Variants in SDF2L1 observed in about 807,000 individuals in gnomAD.
The protein encoded by SDF2L1 is stromal cell derived factor 2 like 1, also known as stromal cell-derived factor 2-like protein 1.
A neutral mutation model predicts 19.4 loss-of-function variants in SDF2L1; 18 were observed. The ratio of observed to expected loss-of-function variants is 0.93; its 90% CI spans 0.64 to 1.38. The LOEUF (loss-of-function observed/expected upper bound fraction) is 1.38. Among genes scored for constraint, SDF2L1 ranks in the 40% most tolerant of loss-of-function variants. SDF2L1 has a pLI of 0.00. For synonymous variants in SDF2L1, 161 were observed against 148.9 expected, an observed-to-expected ratio of 1.08 and a Z score of -0.59; for missense variants, 263 against 319.4, an observed-to-expected ratio of 0.82 and a Z score of 1.35.
rs912901277 is a variant in SDF2L1, at chr22:21,642,382, G to C, written c.46G>C (p.Gly16Arg). ...CGGGGCTGCCTGGCCGGTGCTGTTG[G>C]GGCTGCTGCTGGCGCTGTTAGTGCC... is the stretch of plus-strand genomic sequence containing the variant. ...RGGAAWPVLL[G>R]LLLALLVPGG... Residue 16 changes from glycine to arginine, a missense_variant, in exon 1 of 3, where the codon GGG (glycine) becomes CGG (arginine). Around this residue, in one of 3 missense-constraint regions of SDF2L1, gnomAD observed 56 missense variants for 45.3 expected, o/e 1.24. Coordinates refer to ENST00000248958, the MANE Select transcript of SDF2L1 (RefSeq NM_022044.3). 1.0e-5 allele frequency: 15 copies of C among 1,444,570 alleles called. No homozygotes were observed. In the African/African-American group the frequency reaches 2.3e-4, roughly 22 times the overall value. The allele number at this position is 1,444,570 out of a possible 1,614,324, so 89.5% of individuals were successfully genotyped here.
In SDF2L1 at chr22:21,642,869, C is replaced by A. The variant is rs11555535; in HGVS notation, c.195C>A (p.Gly65=). The A allele has an allele frequency of 1.3e-6, 2 of 1,595,554 alleles. No homozygotes were observed. The highest frequency in any genetic ancestry group is 1.7e-5 in the Admixed American group (1 of 57,690). Residue 65 remains glycine (G), a synonymous_variant, in exon 2 of 3, where the codon GGC becomes GGA. Transcript: ENST00000248958. The part of the protein sequence containing the change: ...SHDIKYGSGS[G]QQSVTGVEAS... ...TGGGGTGTCACTCCTCAGGCAGCGG[C>A]CAGCAATCGGTGACCGGCGTAGAGG...
chr22:21,643,216 C>A, intron 2 of SDF2L1, 158 bp downstream of exon 2: 3 of 875,366 alleles, frequency 3.4e-6, no homozygotes, highest in Non-Finnish European at 5.1e-6. Context: ...CAGAGTAACT[C>A]CGCCAGGATC....
Position 21,644,278 on chromosome 22 carries a change from AT to A in SDF2L1, c.*105del. 1 of 1,271,712 alleles carries A rather than the reference AT, an allele frequency of 7.9e-7. No individual in the cohort carries two copies. Among genetic ancestry groups the A allele is most frequent in the Non-Finnish European group, 1.1e-6 (1 of 901,236 alleles). 78.8% of individuals were successfully genotyped at this position (1,271,712 alleles called of 1,614,324 possible). A position where few individuals can be genotyped will look rare whatever the true frequency, so the allele number is the denominator to read the frequency against. ...GTAGGGGTCCTCAAGTGCCTTTGTG[AT>A]TAAAGAATGTTGGTCTATGATTGCG... On this transcript the variant is annotated 3_prime_UTR_variant, in exon 3 of 3. Coordinates refer to ENST00000248958, the MANE Select transcript of SDF2L1 (RefSeq NM_022044.3).
In SDF2L1 at chr22:21,643,016, C is replaced by T. The variant is rs1209669440; in HGVS notation, c.342C>T (p.Asn114=). ...VRLTHVLTGK[N]LHTHHFPSPL... is the part of the protein sequence containing the mutation. Reference sequence around the variant, plus strand: ...TCACGCATGTGCTTACGGGCAAGAACCTGCACACGCACCACTTCCCGTCGC... The same window carrying T: ...TCACGCATGTGCTTACGGGCAAGAATCTGCACACGCACCACTTCCCGTCGC... Residue 114 remains asparagine (N), a synonymous_variant, in exon 2 of 3, where the codon AAC becomes AAT. Coordinates refer to ENST00000248958, the MANE Select transcript of SDF2L1 (RefSeq NM_022044.3). The T allele has an allele frequency of 1.3e-6, 2 of 1,561,794 alleles. No individual in the cohort carries two copies. The highest frequency in any genetic ancestry group is 8.7e-7 in the Non-Finnish European group (1 of 1,153,918).
At position 21,644,259 on chromosome 22, in the gene SDF2L1, GTCC is replaced by G; in HGVS notation, c.*87_*89del. The stretch of plus-strand genomic sequence containing the variant: ...TGGCAGAGACTTTGGGTTTGTAGGG[GTCC>G]TCAAGTGCCTTTGTGATTAAAGAAT... On this transcript the variant is annotated 3_prime_UTR_variant, in exon 3 of 3. Coordinates refer to ENST00000248958, the MANE Select transcript of SDF2L1 (RefSeq NM_022044.3). The G allele has an allele frequency of 7.1e-7, 1 of 1,404,060 alleles. No homozygotes were observed. The highest frequency in any genetic ancestry group is 9.9e-7 in the Non-Finnish European group (1 of 1,008,738). The allele number at this position is 1,404,060 out of a possible 1,614,324, so 87.0% of individuals were successfully genotyped here.
intron 2 of SDF2L1, chr22:21,643,376 G>C (rs2066096373): frequency 3.8e-6 from 2 of 525,254 alleles, no homozygotes; most frequent in Non-Finnish European, 6.8e-6. Flanking sequence ...ACTCCACTGG[G>C]GAGGAGGAAC....
At position 21,642,928 on chromosome 22, in the gene SDF2L1, G is replaced by C; in HGVS notation, c.254G>C (p.Arg85Pro). The C allele has an allele frequency of 1.3e-6, 2 of 1,583,278 alleles. No individual in the cohort carries two copies. Among genetic ancestry groups the C allele is most frequent in the Non-Finnish European group, 1.7e-6 (2 of 1,166,764 alleles). The change falls in exon 2 of 3, where the codon CGC becomes CCC. Residue 85 changes from arginine to proline, a missense_variant. Physicochemically the swap from Arg to Pro is moderately radical, Grantham distance 103. This residue lies in a region of SDF2L1 where 203 missense variants were observed against 256.9 expected (regional missense o/e 0.79). Coordinates refer to ENST00000248958, the MANE Select transcript of SDF2L1 (RefSeq NM_022044.3). The part of the protein sequence containing the change: ...SDDANSYWRI[R>P]GGSEGGCPRG... The stretch of plus-strand genomic sequence containing the variant: ...GACGCCAATAGCTACTGGCGGATCC[G>C]CGGCGGCTCGGAGGGCGGGTGCCCG...
At chr22:21,642,655 G>T in intron 1 of SDF2L1, 132 bp downstream of exon 1, 1 of 1,233,216 alleles carries the variant, frequency 8.1e-7, no homozygotes, top group African/African-American at 1.5e-5. Context: ...TCGTTGGGAG[G>T]TCGAGGGGCC....
chr22:21,643,295 T>C, intron 2 of SDF2L1: 1 of 585,688 alleles, frequency 1.7e-6, no homozygotes. Context: ...TACGCCTGGA[T>C]AGCTCTTCCT....
chr22:21,642,421 G>T lies in SDF2L1; in HGVS notation c.85G>T (p.Ala29Ser), dbSNP rs1274283181. 1.4e-6 allele frequency: 2 copies of T among 1,464,244 alleles called. No homozygotes were observed. The highest frequency in any genetic ancestry group is 1.5e-5 in the African/African-American group (1 of 66,366). The allele number at this position is 1,464,244 out of a possible 1,614,324, so 90.7% of individuals were successfully genotyped here. The change falls in exon 1 of 3, where the codon GCC becomes TCC. Residue 29 changes from alanine (A) to serine (S), a missense_variant. Ala to Ser is a moderately conservative substitution (Grantham distance 99). This residue lies in a region of SDF2L1 where 56 missense variants were observed against 45.3 expected (regional missense o/e 1.24). Transcript: ENST00000248958. ...LALLVPGGGAAKTGAELVTCG... is the reference protein window; with the variant it reads ...LALLVPGGGASKTGAELVTCG... The stretch of plus-strand genomic sequence containing the variant: ...GCTGTTAGTGCCGGGCGGTGGTGCC[G>T]CCAAGACCGGTGCGGAGCTCGTGAC...
In SDF2L1 at chr22:21,642,866, C is replaced by T. The variant is rs773316826; in HGVS notation, c.192C>T (p.Ser64=). The change falls in exon 2 of 3, where the codon AGC becomes AGT. Residue 64 remains serine, a synonymous_variant. Coordinates refer to ENST00000248958, the MANE Select transcript of SDF2L1 (RefSeq NM_022044.3). ...HSHDIKYGSG[S]GQQSVTGVEA... is the part of the protein sequence containing the mutation. ...GTGTGGGGTGTCACTCCTCAGGCAG[C>T]GGCCAGCAATCGGTGACCGGCGTAG... The T allele has an allele frequency of 5.0e-6, 8 of 1,594,324 alleles. No homozygotes were observed. The highest frequency in any genetic ancestry group is 1.3e-5 in the African/African-American group (1 of 74,428).
Position 21,642,523 on chromosome 22 carries a change from G to A in SDF2L1, c.187G>A (p.Gly63Ser), listed in dbSNP as rs1014998165. ...CTCGCACGACATCAAATACGGATCC[G>A]GTGCGTGGGGCCAGCGACTGGGAGA... ...LHSHDIKYGSGSGQQSVTGVE... is the reference protein window; with the variant it reads ...LHSHDIKYGSSSGQQSVTGVE... The change falls in exon 1 of 3, where the codon GGC becomes AGC. Residue 63 changes from glycine (G) to serine (S), a missense_variant and splice_region_variant. This residue lies in a region of SDF2L1 where 203 missense variants were observed against 256.9 expected (regional missense o/e 0.79). Transcript: ENST00000248958. 2.6e-6 allele frequency: 4 copies of A among 1,516,550 alleles called. No individual in the cohort carries two copies. Among genetic ancestry groups the A allele is most frequent in the Non-Finnish European group, 3.5e-6 (4 of 1,138,664 alleles). The allele number at this position is 1,516,550 out of a possible 1,614,324, so 93.9% of individuals were successfully genotyped here. A position where few individuals can be genotyped will look rare whatever the true frequency, so the allele number is the denominator to read the frequency against.
chr22:21,643,775 T>G, intron 2 of SDF2L1, 119 bp from the exon 3 acceptor site: 4 of 1,055,138 alleles, frequency 3.8e-6, no homozygotes, highest in Non-Finnish European at 5.4e-6. Flanking sequence ...GGTGTCACCT[T>G]TTGCAGCTGT....
At chr22:21,642,741 T>C (rs1310560731) in intron 1 of SDF2L1, 121 bp from the exon 2 acceptor site, 4 of 1,125,506 alleles carry the variant, frequency 3.6e-6, no homozygotes, top group African/African-American at 1.8e-5. Flanking sequence ...ACTGAGGGGG[T>C]GTCAGGCGGG....
rs141876771 is a variant in SDF2L1, at chr22:21,643,951, C to G, written c.442C>G (p.Arg148Gly). Residue 148 changes from arginine to glycine, a missense_variant, in exon 3 of 3, where the codon CGC (arginine) becomes GGC (glycine). Physicochemically the swap from Arg to Gly is moderately radical, Grantham distance 125. Coordinates refer to ENST00000248958, the MANE Select transcript of SDF2L1 (RefSeq NM_022044.3). ...CGACGACCTGGACCTATGGACAGTG[C>G]GCTGCTCTGGACAGCACTGGGAGCG... ...EGDDLDLWTV[R>G]CSGQHWEREA... The G allele has an allele frequency of 6.2e-6, 10 of 1,613,924 alleles. No homozygotes were observed. In the African/African-American group the frequency reaches 1.3e-4, roughly 22 times the overall value.
At chr22:21,642,578 G>A in intron 1 of SDF2L1, 55 bp downstream of exon 1, 1 of 1,499,306 alleles carries the variant, frequency 6.7e-7, no homozygotes. Context: ...GGGGTTGGGA[G>A]TGTGGAGACA....
Position 21,642,338 on chromosome 22 carries a change from T to TGTGGAGC in SDF2L1, c.4_10dup (p.Ala4?). ...AGGGGCTGGAGCCGGGCCGGGGCGA[T>TGTGGAGC]GTGGAGCGCGGGCCGCGGCGGGGCT... On this transcript the variant is annotated frameshift_variant and start_lost, in exon 1 of 3. Transcript: ENST00000248958. LOFTEE classifies it high-confidence loss of function. The TGTGGAGC allele has an allele frequency of 7.3e-7, 1 of 1,370,996 alleles. No individual in the cohort carries two copies. The highest frequency in any genetic ancestry group is 9.3e-7 in the Non-Finnish European group (1 of 1,070,660). 84.9% of individuals were successfully genotyped at this position (1,370,996 alleles called of 1,614,324 possible).
chr22:21,643,744 G>T (rs1215022543), intron 2 of SDF2L1, 150 bp from the exon 3 acceptor site: 1 of 696,886 alleles, frequency 1.4e-6, no homozygotes, highest in Non-Finnish European at 2.4e-6. Context: ...GGGAGTGCTA[G>T]AGGTTGCGGG....
Position 21,642,321 on chromosome 22 carries a change from G to C in SDF2L1, c.-16G>C. On this transcript the variant is annotated 5_prime_UTR_variant, in exon 1 of 3. Transcript: ENST00000248958. ...AGCGGCCCCTGGGCCCGAGGGGCTG[G>C]AGCCGGGCCGGGGCGATGTGGAGCG... 1 of 1,341,528 alleles carries C rather than the reference G, an allele frequency of 7.5e-7. No individual in the cohort carries two copies. Among genetic ancestry groups the C allele is most frequent in the South Asian group, 2.0e-5 (1 of 49,370 alleles). The allele number at this position is 1,341,528 out of a possible 1,614,324, so 83.1% of individuals were successfully genotyped here. A position where few individuals can be genotyped will look rare whatever the true frequency, so the allele number is the denominator to read the frequency against.
Sources: allele counts gnomAD v4.1 joint callset, GRCh38; gene constraint gnomAD v4.1.1; regional missense constraint gnomAD v4.1.1; transcripts MANE v1.5; gene names NCBI Gene and HGNC (gene_info 2026-07-23, HGNC 2026-07-21).